CDH23: variants seen among roughly 807,000 people sequenced by gnomAD.
CDH23 encodes cadherin related 23.
Under a neutral mutation model 317.1 loss-of-function variants are expected in CDH23, and 189 were observed. The observed-to-expected ratio is 0.60, with a 90% CI of 0.53 to 0.67. The LOEUF is 0.67. Among genes scored for constraint, CDH23 ranks in the 30% least tolerant of loss-of-function variants. The pLI, the probability that CDH23 is intolerant of heterozygous loss-of-function variation, is 0.00. For synonymous variants in CDH23, 1,839 were observed against 1,876.8 expected (o/e 0.98, Z 0.52); for missense variants, 4,401 against 4,592.4 (o/e 0.96, Z 1.20).
In CDH23 at chr10:71,586,043, C is replaced by G. The variant is rs78291295; in HGVS notation, c.832+8051C>G. ...GGACATAGAGTGCTGTGGAAACACC[C>G]TCAAGGCCTCTCCCTTCTGCTAGAC... On this transcript the variant is annotated intron_variant, in intron 9 of 69. Coordinates refer to ENST00000224721, the MANE Select transcript of CDH23 (RefSeq NM_022124.6). 2.8e-3 allele frequency among the ~76,000 whole-genome samples: 426 copies of G among 152,294 alleles called. 1 individual carries two copies. The highest frequency in any genetic ancestry group is 9.5e-3 in the African/African-American group (394 of 41,544).
At chr10:71,405,033 GC>G (rs1433378279) in intron 1 of CDH23, among the ~76,000 whole-genome samples, 3 of 152,172 alleles carry the variant, frequency 2.0e-5, no homozygotes, top group Non-Finnish European at 4.4e-5. Context: ...AAAAAGGGCA[GC>G]CGCGACTCTG....
intron 38 of CDH23, chr10:71,760,783 G>A: frequency 7.5e-7 from 1 of 1,328,348 alleles, no homozygotes; most frequent in Non-Finnish European, 1.1e-6. Context: ...GGGTGATGAG[G>A]CCAGAGTTCC....
At chr10:71,477,543 T>C (rs1329100818) in intron 3 of CDH23, among the ~76,000 whole-genome samples, 3 of 152,208 alleles carry the variant, frequency 2.0e-5, no homozygotes, top group Non-Finnish European at 2.9e-5. Context: ...TCCTTTCTTC[T>C]GGACCTCACC....
intron 1 of CDH23, among the ~76,000 whole-genome samples, chr10:71,405,891 C>T (rs139536613): frequency 5.3e-5 from 8 of 152,288 alleles, no homozygotes; most frequent in African/African-American, 1.7e-4. Flanking sequence ...TCCCAACCTC[C>T]GTCTAGTTGG....
chr10:71,745,589 C>T (rs1839837383), intron 38 of CDH23, among the ~76,000 whole-genome samples: 1 of 152,202 alleles, frequency 6.6e-6, no homozygotes, highest in South Asian at 2.1e-4. Context: ...CTGCAGCCCA[C>T]AGTGCCTACC....
At position 71,815,373 on chromosome 10, in the gene CDH23, C is replaced by A; in HGVS notation, c.*95C>A. The A allele has an allele frequency of 2.4e-6, 3 of 1,224,784 alleles. No homozygotes were observed. The highest frequency in any genetic ancestry group is 1.7e-5 in the South Asian group (1 of 60,236). The allele number at this position is 1,224,784 out of a possible 1,614,324, so 75.9% of individuals were successfully genotyped here. A position where few individuals can be genotyped will look rare whatever the true frequency, so the allele number is the denominator to read the frequency against. Reference sequence around the variant, plus strand: ...GACAGGGCCGGTCGGGGGGGACCCTCCAAGGCCAGGCCTTGGGGACAACCT... The same window carrying A: ...GACAGGGCCGGTCGGGGGGGACCCTACAAGGCCAGGCCTTGGGGACAACCT... On this transcript the variant is annotated 3_prime_UTR_variant, in exon 70 of 70. Transcript: ENST00000224721.
At chr10:71,732,789 A>G (rs1282132147) in intron 32 of CDH23, 1 of 895,784 alleles carries the variant, frequency 1.1e-6, no homozygotes, top group Non-Finnish European at 1.4e-6. Flanking sequence ...ACCTCTGGTC[A>G]TCGAAGTGTG....
At position 71,730,480 on chromosome 10, in the gene CDH23, C is replaced by T. The variant is rs771305669; in HGVS notation, c.3591C>T (p.Tyr1197=). 1.7e-5 allele frequency: 27 copies of T among 1,613,780 alleles called. No homozygotes were observed. The highest frequency in any genetic ancestry group is 4.5e-5 in the East Asian group (2 of 44,878). The change falls in exon 31 of 70, where the codon TAC becomes TAT. Residue 1197 remains tyrosine, a synonymous_variant. Coordinates refer to ENST00000224721, the MANE Select transcript of CDH23 (RefSeq NM_022124.6). ...PMRSSVRVIV[Y]VEDINDEAPV... ...CCCGGCTCCCACAGGTGATTGTGTA[C>T]GTGGAGGACATCAACGATGAGGCCC...
chr10:71,762,187 C>G (rs1284589985), intron 38 of CDH23, among the ~76,000 whole-genome samples: 1 of 152,226 alleles, frequency 6.6e-6, no homozygotes, highest in Non-Finnish European at 1.5e-5. Context: ...TTCACAAACC[C>G]CACTCCATCC....
At chr10:71,428,109 A>G (rs1849189874) in intron 1 of CDH23, among the ~76,000 whole-genome samples, 1 of 150,574 alleles carries the variant, frequency 6.6e-6, no homozygotes, top group African/African-American at 2.4e-5. Flanking sequence ...CAACTTTTGC[A>G]CATGCTCACC....
chr10:71,739,821 G>A, intron 36 of CDH23, 49 bp downstream of exon 36: 1 of 1,562,232 alleles, frequency 6.4e-7, no homozygotes, highest in East Asian at 2.3e-5. Context: ...TAAGTGCCTA[G>A]ACCGGTCACT....
At chr10:71,748,883 T>C (rs1839921247) in intron 38 of CDH23, 1 of 152,720 alleles carries the variant, frequency 6.5e-6, no homozygotes, top group African/African-American at 2.4e-5. Flanking sequence ...CCTGTGGCCA[T>C]GGATGAAGAT....
intron 6 of CDH23, among the ~76,000 whole-genome samples, chr10:71,532,483 C>T (rs1165542696): frequency 6.6e-6 from 1 of 152,082 alleles, no homozygotes; most frequent in African/African-American, 2.4e-5. Flanking sequence ...TGAGTTAACC[C>T]TTAGCCTTCC....
chr10:71,608,743 C>A (rs998273154), intron 9 of CDH23, among the ~76,000 whole-genome samples: 11 of 152,368 alleles, frequency 7.2e-5, no homozygotes, highest in African/African-American at 2.6e-4. Context: ...CTCGTGAGTT[C>A]TGAGCCCAGC....
chr10:71,586,112 C>A (rs183241055), intron 9 of CDH23, among the ~76,000 whole-genome samples: 2,923 of 152,236 alleles, frequency 0.019, 211 homozygotes, highest in East Asian at 0.18. Flanking sequence ...ACTGCACGGG[C>A]TCTTTTTATT....
At chr10:71,742,983 G>T (rs1048699619) in intron 38 of CDH23, among the ~76,000 whole-genome samples, 2 of 152,188 alleles carry the variant, frequency 1.3e-5, no homozygotes, top group African/African-American at 4.8e-5. Context: ...GGGTGACAGG[G>T]ACAACTCATC....
chr10:71,562,306 T>G (rs1312063059), intron 6 of CDH23, among the ~76,000 whole-genome samples: 2 of 152,174 alleles, frequency 1.3e-5, no homozygotes, highest in Admixed American at 1.3e-4. Context: ...CACCTCCCCA[T>G]GCGCATGCTG....
chr10:71,758,267 G>A (rs1429072867), intron 38 of CDH23, among the ~76,000 whole-genome samples: 2 of 152,186 alleles, frequency 1.3e-5, no homozygotes, highest in African/African-American at 4.8e-5. Context: ...TTGGGTCCGT[G>A]GTTTAGCTGA....
intron 9 of CDH23, among the ~76,000 whole-genome samples, chr10:71,578,196 T>C (rs1858356570): frequency 6.6e-6 from 1 of 151,930 alleles, no homozygotes. Context: ...GAAGAGGTGC[T>C]GGGAAGCCGA....
Sources: gnomAD v4.1 joint callset for allele counts (sites outside exome capture counted in the v4.1 genomes callset) on GRCh38, gnomAD v4.1.1 for gene constraint, MANE v1.5 for transcripts, NCBI Gene and HGNC (gene_info 2026-07-23, HGNC 2026-07-21) for gene names.